COL26A1: variants seen among roughly 807,000 people sequenced by gnomAD.
COL26A1 encodes the protein collagen alpha-1(XXVI) chain.
COL26A1 carries 41 observed loss-of-function variants against 59.3 expected under a neutral mutation model. The ratio of observed to expected loss-of-function variants is 0.69; its 90% CI spans 0.54 to 0.90. The LOEUF (loss-of-function observed/expected upper bound fraction) is 0.90. Among genes scored for constraint, COL26A1 ranks in the 40% least tolerant of loss-of-function variants. The pLI is 0.00. For missense variants in COL26A1, 612 were observed against 602.3 expected, an observed-to-expected ratio of 1.02 and a Z score of -0.17; for synonymous variants, 266 against 256.0, an observed-to-expected ratio of 1.04 and a Z score of -0.37.
At chr7:101,473,643 C>A (rs866555311) in intron 3 of COL26A1, among the ~76,000 whole-genome samples, 2,632 of 137,016 alleles carry the variant, frequency 0.019, 33 homozygotes, top group Non-Finnish European at 0.03. Flanking sequence ...CACACACACA[C>A]ACACACACAC....
chr7:101,547,282 C>T (rs1385190796), intron 8 of COL26A1, 43 bp downstream of exon 8: 4 of 1,424,284 alleles, frequency 2.8e-6, no homozygotes, highest in East Asian at 2.5e-5. Context: ...ACTCCATCCC[C>T]CCAGGGCTGG....
At chr7:101,513,228 G>T (rs1430844245) in intron 3 of COL26A1, among the ~76,000 whole-genome samples, 1 of 150,536 alleles carries the variant, frequency 6.6e-6, no homozygotes, top group African/African-American at 2.4e-5. Context: ...GGCTGGTCTC[G>T]AACTCCTGAC....
At chr7:101,551,673 G>C (rs879601012) in intron 10 of COL26A1, among the ~76,000 whole-genome samples, 14 of 152,128 alleles carry the variant, frequency 9.2e-5, no homozygotes, top group Admixed American at 3.9e-4. Context: ...CTTGAACCCG[G>C]AGGCAGAGGT....
At chr7:101,480,749 C>T (rs1269524285) in intron 3 of COL26A1, among the ~76,000 whole-genome samples, 6 of 152,280 alleles carry the variant, frequency 3.9e-5, no homozygotes, top group South Asian at 4.1e-4. Flanking sequence ...GCGATCCTCC[C>T]GCCTTGGCCT....
chr7:101,483,477 T>C (rs1002489060), intron 3 of COL26A1, among the ~76,000 whole-genome samples: 3 of 151,772 alleles, frequency 2.0e-5, no homozygotes, highest in Non-Finnish European at 4.4e-5. Flanking sequence ...ATTACAGGCA[T>C]GAGCCACTGT....
chr7:101,514,634 C>G (rs112153319), intron 3 of COL26A1, among the ~76,000 whole-genome samples: 8,466 of 152,220 alleles, frequency 0.056, 808 homozygotes, highest in African/African-American at 0.19. Flanking sequence ...GTGGGTGGGG[C>G]TGATCCACTG....
chr7:101,436,618 G>C (rs1562978355), intron 2 of COL26A1, among the ~76,000 whole-genome samples: 1 of 151,988 alleles, frequency 6.6e-6, no homozygotes, highest in African/African-American at 2.4e-5. Flanking sequence ...TGACGCTTTG[G>C]GCCACATCCA....
intron 1 of COL26A1, among the ~76,000 whole-genome samples, chr7:101,408,265 C>T (rs1044531832): frequency 8.5e-5 from 13 of 152,238 alleles, no homozygotes; most frequent in African/African-American, 2.4e-4. Flanking sequence ...CAGAAGGAGA[C>T]GAGCCTCCAT....
At position 101,395,110 on chromosome 7, in the gene COL26A1, C is replaced by T. The variant is rs551546238; in HGVS notation, c.159-24867C>T. ...CTGGTCTTGAACTACTGACCTCAGA[C>T]GATCCGTCTGCCCTGGCCTCCCAAA... On this transcript the variant is annotated intron_variant, in intron 1 of 12. Transcript: ENST00000313669. Among the ~76,000 whole-genome samples the T allele has an allele frequency of 2.5e-4, 38 of 151,924 alleles. No individual in the cohort carries two copies. In the South Asian group the frequency reaches 7.5e-3, roughly 30 times the overall value.
At chr7:101,476,969 G>A (rs913511669) in intron 3 of COL26A1, among the ~76,000 whole-genome samples, 15 of 151,486 alleles carry the variant, frequency 9.9e-5, no homozygotes, top group South Asian at 4.2e-4. Context: ...TCAGCCTCCC[G>A]AGTAGCTGGG....
chr7:101,483,079 G>T (rs1323210060), intron 3 of COL26A1, among the ~76,000 whole-genome samples: 1 of 152,144 alleles, frequency 6.6e-6, no homozygotes, highest in African/African-American at 2.4e-5. Flanking sequence ...CTTAACTGGT[G>T]CAAACAAATC....
intron 3 of COL26A1, among the ~76,000 whole-genome samples, chr7:101,452,326 G>A (rs1793359688): frequency 2.0e-5 from 3 of 152,150 alleles, no homozygotes; most frequent in Non-Finnish European, 4.4e-5. Context: ...AGGTTCATGT[G>A]GGGCTGTGGA....
intron 3 of COL26A1, among the ~76,000 whole-genome samples, chr7:101,515,020 G>C (rs1000508454): frequency 5.3e-5 from 8 of 152,320 alleles, no homozygotes; most frequent in African/African-American, 1.7e-4. Context: ...CTGCACCTTC[G>C]TGAGTCCAGC....
intron 2 of COL26A1, among the ~76,000 whole-genome samples, chr7:101,421,631 C>T (rs60629436): frequency 0.017 from 2,569 of 150,938 alleles, 85 homozygotes; most frequent in African/African-American, 0.059. Context: ...ACCGAGATTG[C>T]GCCACTGCAC....
At chr7:101,399,948 C>T (rs541522259) in intron 1 of COL26A1, among the ~76,000 whole-genome samples, 125 of 152,254 alleles carry the variant, frequency 8.2e-4, no homozygotes, top group African/African-American at 2.8e-3. Flanking sequence ...CAGATGCTGC[C>T]GCAGAGATCC....
At chr7:101,516,719 C>A (rs1466279424) in intron 3 of COL26A1, among the ~76,000 whole-genome samples, 2 of 152,108 alleles carry the variant, frequency 1.3e-5, no homozygotes, top group East Asian at 3.9e-4. Flanking sequence ...GTTCAGAGAG[C>A]CGAAAAACTT....
chr7:101,520,977 A>G (rs766785406), intron 3 of COL26A1, among the ~76,000 whole-genome samples: 9 of 152,196 alleles, frequency 5.9e-5, no homozygotes, highest in East Asian at 3.9e-4. Flanking sequence ...TCACACTGCT[A>G]TAAAGATACT....
At chr7:101,411,369 G>A (rs1025083971) in intron 1 of COL26A1, among the ~76,000 whole-genome samples, 2 of 152,038 alleles carry the variant, frequency 1.3e-5, no homozygotes, top group African/African-American at 4.8e-5. Context: ...GAGGGACACG[G>A]CCACGTCTGT....
intron 1 of COL26A1, among the ~76,000 whole-genome samples, chr7:101,408,626 T>C (rs1792180110): frequency 6.6e-6 from 1 of 152,228 alleles, no homozygotes; most frequent in South Asian, 2.1e-4. Flanking sequence ...GGCCTTTGAT[T>C]TGTAGAGGCC....
Sources: allele counts gnomAD v4.1 joint callset (sites outside exome capture counted in the v4.1 genomes callset), GRCh38; gene constraint gnomAD v4.1.1; transcripts MANE v1.5; gene names NCBI Gene and HGNC (gene_info 2026-07-23, HGNC 2026-07-21).